Variants in ZNF366 observed in about 807,000 individuals in gnomAD.
ZNF366 encodes the protein dendritic cell-specific transcript protein.
A neutral mutation model predicts 47.2 loss-of-function variants in ZNF366; 20 were observed. The ratio of observed to expected loss-of-function variants is 0.42; its 90% CI spans 0.30 to 0.62. ZNF366 has a LOEUF of 0.62. ZNF366 is among the 20% of genes least tolerant of loss of function. ZNF366 has a pLI of 0.16. For synonymous variants in ZNF366, 421 were observed against 395.1 expected, an observed-to-expected ratio of 1.07 and a Z score of -0.78; for missense variants, 987 against 976.3, an observed-to-expected ratio of 1.01 and a Z score of -0.15.
intron 1 of ZNF366, among the ~76,000 whole-genome samples, chr5:72,480,991 G>A (rs1216910952): frequency 6.6e-6 from 1 of 152,216 alleles, no homozygotes; most frequent in Non-Finnish European, 1.5e-5. Context: ...TGAACTTCAT[G>A]TGGAGAAAGA....
chr5:72,446,979 C>A (rs761399948), intron 4 of ZNF366, among the ~76,000 whole-genome samples: 3 of 152,142 alleles, frequency 2.0e-5, no homozygotes, highest in African/African-American at 4.8e-5. Flanking sequence ...AGCGACAAGC[C>A]ACCTGATGTA....
At position 72,460,908 on chromosome 5, in the gene ZNF366, G is replaced by C; in HGVS notation, c.589C>G (p.Pro197Ala). Residue 197 changes from proline to alanine, a missense_variant, in exon 2 of 5, where the codon CCC becomes GCC. By Grantham distance (27) the Pro-to-Ala change is conservative. Around this residue, in one of 3 missense-constraint regions of ZNF366, gnomAD observed 591 missense variants for 560.9 expected, o/e 1.05. Coordinates refer to ENST00000318442, the MANE Select transcript of ZNF366 (RefSeq NM_152625.3). The stretch of plus-strand genomic sequence containing the variant: ...GGCAGGAAGGTGTGCCGGCTGAAGG[G>C]GAAGGGCGAGGACGAGGGCACGAAG... ...PFFVPSSSPF[P>A]FSRHTFLPKQ... 2 of 1,612,954 alleles carry C rather than the reference G, an allele frequency of 1.2e-6. No homozygotes were observed. Among genetic ancestry groups the C allele is most frequent in the Non-Finnish European group, 1.7e-6 (2 of 1,179,210 alleles).
intron 1 of ZNF366, among the ~76,000 whole-genome samples, chr5:72,486,918 C>T (rs1404822593): frequency 6.6e-6 from 1 of 152,104 alleles, no homozygotes; most frequent in East Asian, 1.9e-4. Context: ...GCTGGGATTA[C>T]AGGCGCCTGC....
Position 72,460,945 on chromosome 5 carries a change from G to A in ZNF366, c.552C>T (p.Leu184=). The change falls in exon 2 of 5, where the codon CTC becomes CTT. Residue 184 remains leucine, a synonymous_variant. Coordinates refer to ENST00000318442, the MANE Select transcript of ZNF366 (RefSeq NM_152625.3). ...YPYYPKVHPG[L]MFPFFVPSSS... ...ACGAGGGCACGAAGAAGGGGAACAT[G>A]AGGCCCGGGTGGACTTTGGGGTAGT... 2 of 1,612,090 alleles carry A rather than the reference G, an allele frequency of 1.2e-6. No homozygotes were observed. The highest frequency in any genetic ancestry group is 2.7e-5 in the African/African-American group (2 of 74,978).
intron 2 of ZNF366, 123 bp from the exon 3 acceptor site, chr5:72,456,718 T>A: frequency 1.0e-6 from 1 of 956,266 alleles, no homozygotes; most frequent in Non-Finnish European, 1.5e-6. Context: ...AGATGTTGAG[T>A]TTCAAATGGT....
chr5:72,468,455 A>G (rs1213516215), intron 1 of ZNF366, among the ~76,000 whole-genome samples: 5 of 152,240 alleles, frequency 3.3e-5, no homozygotes, highest in Non-Finnish European at 7.4e-5. Context: ...CACACGTGAA[A>G]CAGCCAATTG....
chr5:72,491,205 C>G (rs1216639263), intron 1 of ZNF366, among the ~76,000 whole-genome samples: 2 of 152,238 alleles, frequency 1.3e-5, no homozygotes, highest in Non-Finnish European at 2.9e-5. Flanking sequence ...TGGCCCACAG[C>G]CCCACAAAAG....
At chr5:72,505,214 G>A (rs1314446228) in intron 1 of ZNF366, among the ~76,000 whole-genome samples, 2 of 152,064 alleles carry the variant, frequency 1.3e-5, no homozygotes, top group African/African-American at 2.4e-5. Context: ...ATCACACACT[G>A]GAAGTTTCCA....
chr5:72,449,316 G>C (rs1469353945), intron 3 of ZNF366, among the ~76,000 whole-genome samples: 1 of 150,264 alleles, frequency 6.7e-6, no homozygotes, highest in Admixed American at 6.7e-5. Context: ...TGCCACCTTG[G>C]CTCACTGCAG....
At chr5:72,466,379 T>G (rs1227167227) in intron 1 of ZNF366, among the ~76,000 whole-genome samples, 1 of 152,242 alleles carries the variant, frequency 6.6e-6, no homozygotes, top group Non-Finnish European at 1.5e-5. Context: ...GCTGATCTCA[T>G]GAGCTATTTC....
At chr5:72,506,323 C>G (rs764031606) in intron 1 of ZNF366, among the ~76,000 whole-genome samples, 11 of 152,200 alleles carry the variant, frequency 7.2e-5, no homozygotes, top group Non-Finnish European at 1.6e-4. Flanking sequence ...TTTCGGCTCC[C>G]TCATGGCTTG....
At chr5:72,469,378 C>A (rs756188718) in intron 1 of ZNF366, among the ~76,000 whole-genome samples, 7 of 152,024 alleles carry the variant, frequency 4.6e-5, no homozygotes, top group Non-Finnish European at 8.8e-5. Context: ...AAGAAATATA[C>A]AAAAAATGCT....
At chr5:72,455,599 T>C (rs114296863) in intron 3 of ZNF366, among the ~76,000 whole-genome samples, 2,007 of 152,300 alleles carry the variant, frequency 0.013, 44 homozygotes, top group African/African-American at 0.046. Flanking sequence ...GGAAACACTC[T>C]TGTGGGGTGG....
intron 1 of ZNF366, among the ~76,000 whole-genome samples, chr5:72,474,528 G>A (rs1743632262): frequency 6.6e-6 from 1 of 152,150 alleles, no homozygotes; most frequent in Admixed American, 6.5e-5. Flanking sequence ...GTAAGGGAGG[G>A]AAAGTCCAAA....
At chr5:72,459,950 G>A (rs2112326999) in intron 2 of ZNF366, among the ~76,000 whole-genome samples, 1 of 152,368 alleles carries the variant, frequency 6.6e-6, no homozygotes, top group South Asian at 2.1e-4. Flanking sequence ...AGTCTAGAAG[G>A]CTGCTGGGGC....
chr5:72,500,556 T>G (rs1744195558), intron 1 of ZNF366, among the ~76,000 whole-genome samples: 1 of 152,168 alleles, frequency 6.6e-6, no homozygotes, highest in African/African-American at 2.4e-5. Flanking sequence ...ATGGGAGAGA[T>G]CACAGAAATC....
At chr5:72,494,213 T>A (rs1744069312) in intron 1 of ZNF366, 1 of 152,174 alleles carries the variant, frequency 6.6e-6, no homozygotes, top group Admixed American at 6.5e-5. Context: ...TTGCAATAAC[T>A]CTACATTACC....
At chr5:72,499,165 C>T (rs1167430992) in intron 1 of ZNF366, among the ~76,000 whole-genome samples, 1 of 152,184 alleles carries the variant, frequency 6.6e-6, no homozygotes, top group East Asian at 1.9e-4. Context: ...AGATCTGAGG[C>T]CCAGGCTGCC....
chr5:72,443,571 G>C lies in ZNF366; in HGVS notation c.*185C>G. On this transcript the variant is annotated 3_prime_UTR_variant, in exon 5 of 5. Transcript: ENST00000318442. ...ATGAAGACCCTGCACATGTGTGAAGGGTATCAAGGGCCCCGTGAATGACCT... is the reference window on the plus strand; with the variant it reads ...ATGAAGACCCTGCACATGTGTGAAGCGTATCAAGGGCCCCGTGAATGACCT... 2 of 628,792 alleles carry C rather than the reference G, an allele frequency of 3.2e-6. No homozygotes were observed. The highest frequency in any genetic ancestry group is 5.4e-6 in the Non-Finnish European group (2 of 367,862). The allele number at this position is 628,792 out of a possible 1,614,324, so 39.0% of individuals were successfully genotyped here.
Sources: allele counts gnomAD v4.1 joint callset (sites outside exome capture counted in the v4.1 genomes callset), GRCh38; gene constraint gnomAD v4.1.1; regional missense constraint gnomAD v4.1.1; transcripts MANE v1.5; gene names NCBI Gene and HGNC (gene_info 2026-07-23, HGNC 2026-07-21).